Variants in PCDH9 observed in about 807,000 individuals in gnomAD.
PCDH9 encodes protocadherin-9.
In PCDH9, 24 loss-of-function variants were observed where a neutral mutation model predicts 70.6. The observed-to-expected ratio is 0.34, with a 90% CI of 0.25 to 0.48. PCDH9 has a LOEUF of 0.48. Among genes scored for constraint, PCDH9 ranks in the 20% least tolerant of loss-of-function variants. The pLI, the probability that PCDH9 is intolerant of heterozygous loss-of-function variation, is 0.99. For missense variants in PCDH9, 1,281 were observed against 1,503.6 expected (o/e 0.85, Z 2.45); for synonymous variants, 562 against 558.5 (o/e 1.01, Z -0.09).
rs535270219 is a variant in PCDH9, at chr13:66,704,841, CT to C, written c.3139-73431del. On this transcript the variant is annotated intron_variant, in intron 3 of 4. Transcript: ENST00000377865. Reference sequence around the variant, plus strand: ...TGCTCACTTTTATTCCATTTAGAGTCTTTTAAAATACATTTTTCTTCATTTG... The same window carrying C: ...TGCTCACTTTTATTCCATTTAGAGTCTTTAAAATACATTTTTCTTCATTTG... 4.4e-3 allele frequency among the ~76,000 whole-genome samples: 674 copies of C among 152,166 alleles called. 2 individuals carry two copies. The highest frequency in any genetic ancestry group is 7.1e-3 in the Non-Finnish European group (484 of 67,958).
chr13:66,491,136 G>A (rs1959025717), intron 4 of PCDH9, among the ~76,000 whole-genome samples: 1 of 152,040 alleles, frequency 6.6e-6, no homozygotes, highest in Non-Finnish European at 1.5e-5. Flanking sequence ...TACAAAATAG[G>A]CACTTCTTTT....
chr13:66,951,083 G>A (rs1462580483), intron 2 of PCDH9, among the ~76,000 whole-genome samples: 1 of 152,132 alleles, frequency 6.6e-6, no homozygotes, highest in South Asian at 2.1e-4. Flanking sequence ...GGTGCAATGG[G>A]CACCTCACTT....
At chr13:66,599,571 G>T (rs556209826) in intron 4 of PCDH9, among the ~76,000 whole-genome samples, 1 of 150,270 alleles carries the variant, frequency 6.7e-6, no homozygotes, top group South Asian at 2.1e-4. Flanking sequence ...TTTTGAGAGA[G>T]GGTTTTACTC....
At chr13:66,559,819 T>TAA (rs1961923189) in intron 4 of PCDH9, among the ~76,000 whole-genome samples, 1 of 57,594 alleles carries the variant, frequency 1.7e-5, no homozygotes, top group Admixed American at 2.2e-4. Context: ...AAAAAAAAAA[T>TAA]ATATATATAT....
chr13:67,214,021 G>A (rs1474468331), intron 2 of PCDH9: 4 of 152,262 alleles, frequency 2.6e-5, no homozygotes, highest in Admixed American at 1.3e-4. Flanking sequence ...GGTTTCAGCT[G>A]TTCCAACAAA....
At chr13:66,669,012 A>C (rs890285915) in intron 3 of PCDH9, among the ~76,000 whole-genome samples, 4 of 152,152 alleles carry the variant, frequency 2.6e-5, no homozygotes, top group Non-Finnish European at 4.4e-5. Context: ...AGATTTATTT[A>C]ATCTTATGTT....
chr13:66,864,254 C>A (rs2081533408), intron 3 of PCDH9, among the ~76,000 whole-genome samples: 1 of 152,074 alleles, frequency 6.6e-6, no homozygotes, highest in Admixed American at 6.6e-5. Context: ...AAACATTCTG[C>A]ATGGCATGTC....
chr13:66,565,595 A>G (rs1016099157), intron 4 of PCDH9, among the ~76,000 whole-genome samples: 1 of 152,202 alleles, frequency 6.6e-6, no homozygotes, highest in Non-Finnish European at 1.5e-5. Flanking sequence ...TATAGTTAGT[A>G]ATCTCATCTT....
chr13:66,589,023 T>C (rs1057262013), intron 4 of PCDH9, among the ~76,000 whole-genome samples: 1 of 152,080 alleles, frequency 6.6e-6, no homozygotes, highest in African/African-American at 2.4e-5. Flanking sequence ...ATATGTTATA[T>C]AAAATGTTCC....
At chr13:66,537,298 G>A (rs1319021182) in intron 4 of PCDH9, among the ~76,000 whole-genome samples, 2 of 152,002 alleles carry the variant, frequency 1.3e-5, no homozygotes, top group African/African-American at 4.8e-5. Flanking sequence ...AAGATATAAG[G>A]TCTGGATTGA....
chr13:67,051,250 G>A (rs573693828), intron 2 of PCDH9, among the ~76,000 whole-genome samples: 12 of 152,132 alleles, frequency 7.9e-5, no homozygotes, highest in Non-Finnish European at 1.0e-4. Context: ...CTAATGAAAG[G>A]GAAGAAATCA....
At chr13:66,552,869 G>A (rs775963136) in intron 4 of PCDH9, among the ~76,000 whole-genome samples, 7 of 152,120 alleles carry the variant, frequency 4.6e-5, no homozygotes, top group Non-Finnish European at 2.9e-5. Context: ...ACTTCAGCGT[G>A]ACTGGGGAGG....
At chr13:66,766,377 T>C (rs896231300) in intron 3 of PCDH9, among the ~76,000 whole-genome samples, 1 of 151,982 alleles carries the variant, frequency 6.6e-6, no homozygotes, top group East Asian at 1.9e-4. Context: ...GGCACACAAA[T>C]ATAAGATACA....
At chr13:66,440,318 T>G (rs1327112518) in intron 4 of PCDH9, among the ~76,000 whole-genome samples, 2 of 152,078 alleles carry the variant, frequency 1.3e-5, no homozygotes, top group African/African-American at 4.8e-5. Context: ...CACTGCTACT[T>G]TTGTTTATAA....
At chr13:67,215,358 G>A (rs2089578364) in intron 2 of PCDH9, 1 of 151,892 alleles carries the variant, frequency 6.6e-6, no homozygotes, top group Non-Finnish European at 1.5e-5. Context: ...CATACTGTCT[G>A]GATGGCTCAA....
At chr13:66,998,414 C>T (rs529424488) in intron 2 of PCDH9, among the ~76,000 whole-genome samples, 1 of 152,306 alleles carries the variant, frequency 6.6e-6, no homozygotes, top group Admixed American at 6.5e-5. Context: ...TATAGCTCTG[C>T]TCACTCTTCT....
intron 2 of PCDH9, among the ~76,000 whole-genome samples, chr13:67,031,878 G>A (rs932243295): frequency 2.0e-5 from 3 of 152,056 alleles, no homozygotes; most frequent in Admixed American, 6.6e-5. Flanking sequence ...TTGAAACTAT[G>A]CCTGTCAAAG....
At chr13:66,413,459 G>A (rs1207106183) in intron 4 of PCDH9, among the ~76,000 whole-genome samples, 1 of 152,072 alleles carries the variant, frequency 6.6e-6, no homozygotes, top group African/African-American at 2.4e-5. Context: ...GGCCGAGGCA[G>A]GCAAATCATG....
intron 4 of PCDH9, among the ~76,000 whole-genome samples, chr13:66,363,633 A>G (rs1029175669): frequency 6.6e-6 from 1 of 152,212 alleles, no homozygotes; most frequent in African/African-American, 2.4e-5. Context: ...AACCAACTCC[A>G]CAGAAAATTC....
Sources: allele counts gnomAD v4.1 joint callset (sites outside exome capture counted in the v4.1 genomes callset), GRCh38; gene constraint gnomAD v4.1.1; transcripts MANE v1.5; gene names NCBI Gene and HGNC (gene_info 2026-07-23, HGNC 2026-07-21).